The following WDR64 variants were observed in gnomAD, a reference collection of about 807,000 sequenced individuals.
WDR64 encodes WD repeat domain 64.
In WDR64, 112 loss-of-function variants were observed where a neutral mutation model predicts 139.3. That is an observed-to-expected ratio of 0.80 (90% confidence interval 0.69 to 0.94). WDR64 has a LOEUF of 0.94. WDR64 is among the 40% of genes least tolerant of loss of function. WDR64 has a pLI of 0.00. For synonymous variants in WDR64, 444 were observed against 437.7 expected (o/e 1.01, Z -0.18); for missense variants, 1,206 against 1,293.1 (o/e 0.93, Z 1.03).
chr1:241,772,093 A>G (rs1239414413), intron 19 of WDR64, among the ~76,000 whole-genome samples: 8 of 148,708 alleles, frequency 5.4e-5, no homozygotes, highest in African/African-American at 2.0e-4. Context: ...AGGTTTTAAG[A>G]ATCCAGAATA....
intron 2 of WDR64, among the ~76,000 whole-genome samples, chr1:241,668,106 G>T (rs1054813135): frequency 6.6e-6 from 1 of 152,220 alleles, no homozygotes; most frequent in South Asian, 2.1e-4. Context: ...ACTTCGGAAG[G>T]TGTTTTTGTA....
chr1:241,735,855 C>CTCTCTG (rs1248435698), intron 10 of WDR64, among the ~76,000 whole-genome samples: 206 of 71,670 alleles, frequency 2.9e-3, no homozygotes, highest in African/African-American at 8.8e-3. Context: ...CTCTCTCTCT[C>CTCTCTG]TGTGTGTGTG....
chr1:241,763,635 G>A lies in WDR64; in HGVS notation c.1948-2583G>A, dbSNP rs192869785. Reference sequence around the variant, plus strand: ...CATGAGAATCACTTGAACCTGGAAGGTGGAGGATGCAGTGAGCTGAGATCA... The same window carrying A: ...CATGAGAATCACTTGAACCTGGAAGATGGAGGATGCAGTGAGCTGAGATCA... On this transcript the variant is annotated intron_variant, in intron 15 of 27. Transcript: ENST00000437684. 3.1e-3 allele frequency among the ~76,000 whole-genome samples: 474 copies of A among 152,298 alleles called. 4 individuals carry two copies. Among genetic ancestry groups the A allele is most frequent in the Middle Eastern group, 3.4e-3 (1 of 294 alleles).
intron 1 of WDR64, among the ~76,000 whole-genome samples, chr1:241,659,018 C>A (rs1665723584): frequency 6.6e-6 from 1 of 151,972 alleles, no homozygotes; most frequent in African/African-American, 2.4e-5. Flanking sequence ...GTATCAAGCC[C>A]AATATCCATT....
At chr1:241,760,177 A>G (rs1670370196) in intron 15 of WDR64, among the ~76,000 whole-genome samples, 2 of 152,152 alleles carry the variant, frequency 1.3e-5, no homozygotes, top group African/African-American at 2.4e-5. Context: ...TGCCATGAAC[A>G]TGGGTGTACA....
At position 241,738,610 on chromosome 1, in the gene WDR64, T is replaced by C. The variant is rs7418686; in HGVS notation, c.1321+121T>C. On this transcript the variant is annotated intron_variant, in intron 11 of 27. Coordinates refer to ENST00000437684, the MANE Select transcript of WDR64 (RefSeq NM_001367482.1). ...ACTAGAAGGGTAATTTATCAAACCA[T>C]GATTCGTGACAGTAGATATTTAATT... The C allele has an allele frequency of 2.4e-3, 2,471 of 1,048,776 alleles. 37 individuals carry two copies. The African/African-American group carries it at 0.034, about 15-fold the overall frequency. The allele number at this position is 1,048,776 out of a possible 1,614,324, so 65.0% of individuals were successfully genotyped here.
chr1:241,686,120 T>C (rs565240335), intron 7 of WDR64, among the ~76,000 whole-genome samples: 179 of 152,352 alleles, frequency 1.2e-3, no homozygotes, highest in African/African-American at 4.2e-3. Context: ...ATTTAAATCA[T>C]TCAAGACTAC....
chr1:241,801,067 A>G, intron 27 of WDR64, 65 bp from the exon 28 acceptor site: 1 of 1,358,164 alleles, frequency 7.4e-7, no homozygotes, highest in Non-Finnish European at 1.0e-6. Flanking sequence ...ATACACCTTG[A>G]CTCTGGAAAA....
chr1:241,757,393 G>A lies in WDR64; in HGVS notation c.1881G>A (p.Arg627=). The A allele has an allele frequency of 6.2e-7, 1 of 1,614,016 alleles. No homozygotes were observed. Among genetic ancestry groups the A allele is most frequent in the Non-Finnish European group, 8.5e-7 (1 of 1,179,974 alleles). ...ATCTGAGAATGTCTACTAGAGACAG[G>A]AACATGGCTATTCCTTTCCCAGATG... is the stretch of plus-strand genomic sequence containing the variant. The part of the protein sequence containing the change: ...AVHLRMSTRD[R]NMAIPFPDVE... Residue 627 remains arginine (R), a synonymous_variant, in exon 15 of 28, where the codon AGG becomes AGA. Coordinates refer to ENST00000437684, the MANE Select transcript of WDR64 (RefSeq NM_001367482.1).
intron 8 of WDR64, among the ~76,000 whole-genome samples, chr1:241,696,841 A>T (rs185648918): frequency 1.3e-5 from 2 of 152,206 alleles, no homozygotes; most frequent in Non-Finnish European, 2.9e-5. Flanking sequence ...TTGACCTTCT[A>T]TCTCATCCTG....
chr1:241,716,576 A>G (rs1668411638), intron 9 of WDR64, among the ~76,000 whole-genome samples: 1 of 152,130 alleles, frequency 6.6e-6, no homozygotes, highest in East Asian at 1.9e-4. Context: ...TTGTATTCCT[A>G]ACCTGCGAAC....
intron 8 of WDR64, among the ~76,000 whole-genome samples, chr1:241,707,684 G>A (rs991861206): frequency 4.0e-5 from 6 of 151,570 alleles, no homozygotes; most frequent in African/African-American, 1.5e-4. Flanking sequence ...GGCTGTGCAG[G>A]CTGTGCCCCC....
intron 10 of WDR64, among the ~76,000 whole-genome samples, chr1:241,728,716 A>G (rs141905753): frequency 1.3e-5 from 2 of 152,326 alleles, no homozygotes; most frequent in Non-Finnish European, 2.9e-5. Context: ...ATGCAGAGAC[A>G]AATATAATCT....
chr1:241,759,978 T>G (rs986450444), intron 15 of WDR64, among the ~76,000 whole-genome samples: 14 of 152,240 alleles, frequency 9.2e-5, no homozygotes, highest in Non-Finnish European at 1.8e-4. Context: ...GGTATTTCTC[T>G]TTTGTGACTG....
At chr1:241,759,239 C>A (rs1382486917) in intron 15 of WDR64, among the ~76,000 whole-genome samples, 1 of 151,962 alleles carries the variant, frequency 6.6e-6, no homozygotes, top group Non-Finnish European at 1.5e-5. Flanking sequence ...TCTTTTTGTC[C>A]TTAGGGTATA....
chr1:241,655,060 C>T (rs1370451279), intron 1 of WDR64, among the ~76,000 whole-genome samples: 1 of 152,136 alleles, frequency 6.6e-6, no homozygotes, highest in Non-Finnish European at 1.5e-5. Flanking sequence ...TGGTATCTAT[C>T]TCTTGGCTTA....
At position 241,794,578 on chromosome 1, in the gene WDR64, G is replaced by A. The variant is rs540052674; in HGVS notation, c.2998-629G>A. Among the ~76,000 whole-genome samples, 37 of 132,424 alleles carry A rather than the reference G, an allele frequency of 2.8e-4. No homozygotes were observed. The South Asian group carries it at 5.4e-3, about 19-fold the overall frequency. 86.9% of individuals were successfully genotyped at this position (132,424 alleles called of 152,430 possible). On this transcript the variant is annotated intron_variant, in intron 25 of 27. Coordinates refer to ENST00000437684, the MANE Select transcript of WDR64 (RefSeq NM_001367482.1). ...GGCTGGAGTGCAGTGCTGTGATCTC[G>A]GCTCATTGCAACCTCCGCCTCCTAG...
At chr1:241,728,566 C>T (rs936087397) in intron 10 of WDR64, among the ~76,000 whole-genome samples, 2 of 152,138 alleles carry the variant, frequency 1.3e-5, no homozygotes, top group Non-Finnish European at 2.9e-5. Flanking sequence ...TTTATTCTTT[C>T]TCCTAATTTT....
chr1:241,704,825 G>T (rs977586798), intron 8 of WDR64, among the ~76,000 whole-genome samples: 4 of 152,156 alleles, frequency 2.6e-5, no homozygotes, highest in African/African-American at 7.2e-5. Flanking sequence ...CTAAAGAGAG[G>T]TATAGTAGAC....
Sources: allele counts gnomAD v4.1 joint callset (sites outside exome capture counted in the v4.1 genomes callset), GRCh38; gene constraint gnomAD v4.1.1; transcripts MANE v1.5; gene names NCBI Gene and HGNC (gene_info 2026-07-23, HGNC 2026-07-21).